MDGA2: variants seen among roughly 807,000 people sequenced by gnomAD.
MDGA2 encodes the protein MAM domain containing glycosylphosphatidylinositol anchor 2.
A neutral mutation model predicts 117.8 loss-of-function variants in MDGA2; 40 were observed. That is an observed-to-expected ratio of 0.34 (90% confidence interval 0.26 to 0.44). The LOEUF (loss-of-function observed/expected upper bound fraction) is 0.44, where lower values mean the gene tolerates loss of function less well. Among genes scored for constraint, MDGA2 ranks in the 20% least tolerant of loss-of-function variants. MDGA2 has a pLI of 1.00. For missense variants in MDGA2, 1,123 were observed against 1,250.6 expected (o/e 0.90, Z 1.54); for synonymous variants, 452 against 439.0 (o/e 1.03, Z -0.37).
chr14:47,432,945 T>C (rs1892827801), intron 1 of MDGA2, among the ~76,000 whole-genome samples: 1 of 152,024 alleles, frequency 6.6e-6, no homozygotes, highest in Admixed American at 6.6e-5. Flanking sequence ...TTCCTATTTA[T>C]TGAATACCTA....
intron 2 of MDGA2, among the ~76,000 whole-genome samples, chr14:47,254,123 C>T (rs1374258889): frequency 1.3e-5 from 2 of 152,208 alleles, no homozygotes; most frequent in Non-Finnish European, 2.9e-5. Flanking sequence ...CCTAGCCCTC[C>T]AGGCCTGTGA....
chr14:46,988,187 A>G (rs1363331692), intron 8 of MDGA2, among the ~76,000 whole-genome samples: 5 of 151,932 alleles, frequency 3.3e-5, no homozygotes, highest in Non-Finnish European at 7.4e-5. Flanking sequence ...TTGTGTCCTC[A>G]GATTCAAAAT....
chr14:47,181,712 C>G (rs1175145840), intron 3 of MDGA2, among the ~76,000 whole-genome samples: 1 of 152,086 alleles, frequency 6.6e-6, no homozygotes, highest in Non-Finnish European at 1.5e-5. Context: ...AATAAGTGAA[C>G]ATCACATCTT....
chr14:47,301,179 T>A (rs546424963), intron 2 of MDGA2, among the ~76,000 whole-genome samples: 1 of 152,170 alleles, frequency 6.6e-6, no homozygotes, highest in South Asian at 2.1e-4. Context: ...CAAAAATTTC[T>A]TTTTTCATCT....
At chr14:46,849,250 GAACAGAAAGGA>G (rs1188975937) in intron 15 of MDGA2, among the ~76,000 whole-genome samples, 3 of 151,872 alleles carry the variant, frequency 2.0e-5, no homozygotes, top group Admixed American at 2.0e-4. Context: ...GGACCTTTTT[GAACAGAAAGGA>G]AAAGAAAGGT....
chr14:47,511,132 C>T (rs565263308), intron 1 of MDGA2, among the ~76,000 whole-genome samples: 7 of 152,252 alleles, frequency 4.6e-5, no homozygotes, highest in African/African-American at 1.4e-4. Context: ...CATTAGTGTT[C>T]CTTCAGATCT....
chr14:47,113,337 G>T (rs2139065863), intron 5 of MDGA2, among the ~76,000 whole-genome samples: 1 of 151,914 alleles, frequency 6.6e-6, no homozygotes, highest in South Asian at 2.1e-4. Flanking sequence ...CAACAAAAAA[G>T]GCCCACGACC....
chr14:47,253,155 C>T (rs1887503660), intron 2 of MDGA2, among the ~76,000 whole-genome samples: 2 of 152,134 alleles, frequency 1.3e-5, no homozygotes, highest in Admixed American at 1.3e-4. Flanking sequence ...TGAGTGAGGA[C>T]ACAGCCAAAC....
intron 1 of MDGA2, among the ~76,000 whole-genome samples, chr14:47,646,542 T>G (rs895021717): frequency 3.9e-5 from 6 of 152,178 alleles, no homozygotes; most frequent in African/African-American, 1.2e-4. Flanking sequence ...TTGGGTGAAC[T>G]TGGATATGTT....
At chr14:47,177,508 G>C (rs1475751235) in intron 3 of MDGA2, among the ~76,000 whole-genome samples, 1 of 152,128 alleles carries the variant, frequency 6.6e-6, no homozygotes, top group Non-Finnish European at 1.5e-5. Context: ...GTAGGGACAT[G>C]GATGAAATTG....
At chr14:47,260,715 G>A (rs2139671888) in intron 2 of MDGA2, among the ~76,000 whole-genome samples, 1 of 152,124 alleles carries the variant, frequency 6.6e-6, no homozygotes, top group Non-Finnish European at 1.5e-5. Flanking sequence ...ACATTTGACA[G>A]GACTGGACTG....
At chr14:47,491,035 GACAA>G (rs1894158547) in intron 1 of MDGA2, among the ~76,000 whole-genome samples, 1 of 152,092 alleles carries the variant, frequency 6.6e-6, no homozygotes, top group Non-Finnish European at 1.5e-5. Context: ...ACAGTGGGTA[GACAA>G]ACAGATAGAG....
intron 5 of MDGA2, among the ~76,000 whole-genome samples, chr14:47,122,420 G>T (rs1241158553): frequency 6.6e-6 from 1 of 152,070 alleles, no homozygotes. Context: ...GTTTTGGGGG[G>T]ACTATTGGGT....
chr14:47,114,124 G>A (rs778549436), intron 5 of MDGA2, among the ~76,000 whole-genome samples: 3 of 152,078 alleles, frequency 2.0e-5, no homozygotes, highest in African/African-American at 4.8e-5. Flanking sequence ...TAGACAAGCA[G>A]AGAGCCAAAT....
At chr14:47,090,160 A>T (rs1879555317) in intron 6 of MDGA2, among the ~76,000 whole-genome samples, 1 of 152,180 alleles carries the variant, frequency 6.6e-6, no homozygotes, top group South Asian at 2.1e-4. Context: ...TCATATTTAA[A>T]GACTACAGTC....
chr14:46,856,901 G>A (rs796197230), intron 14 of MDGA2, among the ~76,000 whole-genome samples: 3 of 152,096 alleles, frequency 2.0e-5, no homozygotes, highest in African/African-American at 4.8e-5. Flanking sequence ...ACTTCTCAGA[G>A]TCTAATTAGA....
At chr14:47,301,315 A>T in intron 2 of MDGA2, 96 bp downstream of exon 2, 1 of 1,299,426 alleles carries the variant, frequency 7.7e-7, no homozygotes, top group Admixed American at 2.1e-5. Context: ...ACACACACAC[A>T]CACACAGTTT....
At chr14:46,858,360 C>A (rs1322885581) in intron 14 of MDGA2, among the ~76,000 whole-genome samples, 1 of 151,044 alleles carries the variant, frequency 6.6e-6, no homozygotes, top group Non-Finnish European at 1.5e-5. Context: ...ATTCTTTCAG[C>A]ACATTCTGTT....
In MDGA2 at chr14:47,674,984, G is replaced by T. The variant is rs1289456947; in HGVS notation, c.-188C>A. 2 of 370,002 alleles carry T rather than the reference G, an allele frequency of 5.4e-6. No individual in the cohort carries two copies. Among genetic ancestry groups the T allele is most frequent in the Non-Finnish European group, 9.6e-6 (2 of 209,100 alleles). The allele number at this position is 370,002 out of a possible 1,614,324, so 22.9% of individuals were successfully genotyped here. ...TTCAGGGAAGCGGGCTCGAGTCTCC[G>T]CAGCTGCGGCGGCGGCGGCGGCGCG... On this transcript the variant is annotated 5_prime_UTR_variant, in exon 1 of 17. Coordinates refer to ENST00000399232, the MANE Select transcript of MDGA2 (RefSeq NM_001113498.3).
Sources: gnomAD v4.1 joint callset for allele counts (sites outside exome capture counted in the v4.1 genomes callset) on GRCh38, gnomAD v4.1.1 for gene constraint, MANE v1.5 for transcripts, NCBI Gene and HGNC (gene_info 2026-07-23, HGNC 2026-07-21) for gene names.